Variants in BRMS1L observed in about 807,000 individuals in gnomAD.
The protein encoded by BRMS1L is BRMS1 like transcriptional repressor.
A neutral mutation model predicts 50.3 loss-of-function variants in BRMS1L; 23 were observed. That is an observed-to-expected ratio of 0.46 (90% CI 0.33 to 0.65). The LOEUF is 0.65. Ranked by LOEUF, BRMS1L falls within the 30% of genes least tolerant of loss-of-function variation. BRMS1L has a pLI of 0.02. For missense variants in BRMS1L, 286 were observed against 386.1 expected (o/e 0.74, Z 2.17); for synonymous variants, 114 against 126.9 (o/e 0.90, Z 0.69).
At chr14:35,832,715 T>C (rs2077938842) in intron 2 of BRMS1L, among the ~76,000 whole-genome samples, 1 of 152,216 alleles carries the variant, frequency 6.6e-6, no homozygotes, top group South Asian at 2.1e-4. Context: ...CAAACATTAA[T>C]AGTGCCAAAA....
At chr14:35,830,482 C>A (rs1007625180) in intron 1 of BRMS1L, among the ~76,000 whole-genome samples, 1 of 152,082 alleles carries the variant, frequency 6.6e-6, no homozygotes, top group African/African-American at 2.4e-5. Flanking sequence ...TTCGGTCTCT[C>A]GAGCAGTTGG....
In BRMS1L at chr14:35,866,701, GA is replaced by G. The variant is rs916399399; in HGVS notation, c.727+950del. Among the ~76,000 whole-genome samples, 348 of 150,160 alleles carry G rather than the reference GA, an allele frequency of 2.3e-3. 1 individual carries two copies. The highest frequency in any genetic ancestry group is 7.8e-3 in the African/African-American group (319 of 41,094). On this transcript the variant is annotated intron_variant, in intron 8 of 9. Coordinates refer to ENST00000216807, the MANE Select transcript of BRMS1L (RefSeq NM_032352.4). ...CAACAGAGCAGGATTCCATCTCTAAGAAAAAAAAAATTGCATTTTATTTTTA... is the reference window on the plus strand; with the variant it reads ...CAACAGAGCAGGATTCCATCTCTAAGAAAAAAAAATTGCATTTTATTTTTA...
chr14:35,840,904 G>C (rs1384637643), intron 4 of BRMS1L, among the ~76,000 whole-genome samples: 1 of 151,808 alleles, frequency 6.6e-6, no homozygotes, highest in African/African-American at 2.4e-5. Flanking sequence ...TTTTGAATTT[G>C]TTTGCTCTTG....
intron 9 of BRMS1L, among the ~76,000 whole-genome samples, chr14:35,869,551 A>G (rs949931471): frequency 1.3e-5 from 2 of 152,090 alleles, no homozygotes; most frequent in African/African-American, 4.8e-5. Context: ...TCACTCTTTA[A>G]AAAATAAATA....
chr14:35,870,398 T>G lies in BRMS1L; in HGVS notation c.893T>G (p.Phe298Cys). Residue 298 changes from phenylalanine (F) to cysteine (C), a missense_variant, in exon 10 of 10, where the codon TTT (phenylalanine) becomes TGT (cysteine). Physicochemically the swap from Phe to Cys is radical, Grantham distance 205. Coordinates refer to ENST00000216807, the MANE Select transcript of BRMS1L (RefSeq NM_032352.4). Reference sequence around the variant, plus strand: ...ACAATTAACCATGATGAAGTTTGGTTTAAGAGGCCTGATGGAAGCAAATCT... The same window carrying G: ...ACAATTAACCATGATGAAGTTTGGTGTAAGAGGCCTGATGGAAGCAAATCT... The part of the protein sequence containing the change: ...ITTINHDEVW[F>C]KRPDGSKSKL... 6.2e-7 allele frequency: 1 copy of G among 1,609,836 alleles called. No individual in the cohort carries two copies. Among genetic ancestry groups the G allele is most frequent in the South Asian group, 1.1e-5 (1 of 90,190 alleles).
At chr14:35,831,077 C>G (rs935086366) in intron 1 of BRMS1L, among the ~76,000 whole-genome samples, 1 of 151,418 alleles carries the variant, frequency 6.6e-6, no homozygotes, top group Non-Finnish European at 1.5e-5. Flanking sequence ...GTAGGTGAGA[C>G]TACAGGCTCA....
rs759321989 is a variant in BRMS1L, at chr14:35,826,487, G to A, written c.-30G>A. 2 of 1,561,102 alleles carry A rather than the reference G, an allele frequency of 1.3e-6. No individual in the cohort carries two copies. The highest frequency in any genetic ancestry group is 2.4e-5 in the East Asian group (1 of 42,468). ...AGCGGCGGTGGCCGGGCTGGGCGCC[G>A]GTAGTGGAAAGCGACGGCGCGGCTG... is the stretch of plus-strand genomic sequence containing the variant. On this transcript the variant is annotated 5_prime_UTR_variant, in exon 1 of 10. Coordinates refer to ENST00000216807, the MANE Select transcript of BRMS1L (RefSeq NM_032352.4).
chr14:35,864,043 C>T, intron 6 of BRMS1L, 90 bp downstream of exon 6: 1 of 959,348 alleles, frequency 1.0e-6, no homozygotes, highest in South Asian at 1.5e-5. Flanking sequence ...TAAACACTGA[C>T]TTTATTTGCA....
intron 7 of BRMS1L, among the ~76,000 whole-genome samples, chr14:35,865,255 A>C (rs927635226): frequency 6.6e-6 from 1 of 152,244 alleles, no homozygotes; most frequent in Non-Finnish European, 1.5e-5. Context: ...TCCAAAAAAC[A>C]TTTATTTAGT....
rs774009079 is a variant in BRMS1L at position 35,826,608 on chromosome 14, A to T, written c.92A>T (p.Glu31Val). 4 of 1,612,380 alleles carry T rather than the reference A, an allele frequency of 2.5e-6. No homozygotes were observed. The Admixed American group carries it at 6.7e-5, about 27-fold the overall frequency. The change falls in exon 1 of 10, where the codon GAG (glutamate) becomes GTG (valine). Residue 31 changes from glutamate (E) to valine (V), a missense_variant. Around this residue, in one of 5 missense-constraint regions of BRMS1L, gnomAD observed 66 missense variants for 67.8 expected, o/e 0.97. Transcript: ENST00000216807. ...DYAENEGSSS[E>V]DEDTESSSVS... is the part of the protein sequence containing the mutation. ...GCCGAAAATGAGGGGAGCAGCTCCG[A>T]GGACGAGGACACTGAGAGCTCGTCG...
At chr14:35,865,941 G>C in intron 8 of BRMS1L, 180 bp downstream of exon 8, 1 of 583,856 alleles carries the variant, frequency 1.7e-6, no homozygotes, top group South Asian at 2.4e-5. Context: ...CAAAATTTCT[G>C]AATGTGGTAT....
chr14:35,846,894 T>C (rs116326553), intron 4 of BRMS1L, among the ~76,000 whole-genome samples: 33 of 152,312 alleles, frequency 2.2e-4, no homozygotes, highest in African/African-American at 7.9e-4. Context: ...TTTTTTGGTC[T>C]ACTTTATCTT....
In BRMS1L at chr14:35,856,237, G is replaced by A. The variant is rs138113362; in HGVS notation, c.442-6353G>A. On this transcript the variant is annotated intron_variant, in intron 4 of 9. Coordinates refer to ENST00000216807, the MANE Select transcript of BRMS1L (RefSeq NM_032352.4). ...CCACAGGGGCAAGAGGCAGCAGATG[G>A]TTTGTATCAAATTAAGGAAGGAAAT... Among the ~76,000 whole-genome samples, 33 of 152,300 alleles carry A rather than the reference G, an allele frequency of 2.2e-4. 1 individual carries two copies. In the East Asian group the frequency reaches 6.4e-3, roughly 29 times the overall value.
chr14:35,837,247 C>CT (rs983041688), intron 4 of BRMS1L, among the ~76,000 whole-genome samples: 1 of 151,306 alleles, frequency 6.6e-6, no homozygotes, highest in Non-Finnish European at 1.5e-5. Flanking sequence ...AAGAGCAAAA[C>CT]TCCGGCTCAA....
chr14:35,838,878 G>T (rs1478129304), intron 4 of BRMS1L, among the ~76,000 whole-genome samples: 1 of 151,126 alleles, frequency 6.6e-6, no homozygotes, highest in Admixed American at 6.6e-5. Flanking sequence ...AGTTTAATTA[G>T]ATCCCATTTG....
intron 4 of BRMS1L, among the ~76,000 whole-genome samples, chr14:35,850,477 T>A (rs2078197325): frequency 6.6e-6 from 1 of 152,212 alleles, no homozygotes; most frequent in Non-Finnish European, 1.5e-5. Flanking sequence ...ATTACAGGCG[T>A]GAGCCACTGT....
At chr14:35,851,534 A>AGG (rs1396425312) in intron 4 of BRMS1L, among the ~76,000 whole-genome samples, 1 of 152,202 alleles carries the variant, frequency 6.6e-6, no homozygotes, top group African/African-American at 2.4e-5. Context: ...GGAGAGAGAG[A>AGG]GGAAGGGCAA....
intron 4 of BRMS1L, among the ~76,000 whole-genome samples, chr14:35,856,585 A>G (rs553553410): frequency 8.7e-5 from 13 of 150,270 alleles, no homozygotes; most frequent in Non-Finnish European, 1.5e-4. Flanking sequence ...AGAGGTAATC[A>G]CTGTTAATAA....
chr14:35,870,144 A>G (rs1431439474), intron 9 of BRMS1L, among the ~76,000 whole-genome samples: 3 of 151,948 alleles, frequency 2.0e-5, no homozygotes, highest in Admixed American at 2.0e-4. Flanking sequence ...AAATTTTACG[A>G]ACTCTATTAA....
Sources: allele counts gnomAD v4.1 joint callset (sites outside exome capture counted in the v4.1 genomes callset), GRCh38; gene constraint gnomAD v4.1.1; regional missense constraint gnomAD v4.1.1; transcripts MANE v1.5; gene names NCBI Gene and HGNC (gene_info 2026-07-23, HGNC 2026-07-21).